ABCC9: variants seen among roughly 807,000 people sequenced by gnomAD.
The protein encoded by ABCC9 is ATP-binding cassette sub-family C member 9.
A neutral mutation model predicts 188.3 loss-of-function variants in ABCC9; 95 were observed. The observed-to-expected ratio is 0.50, with a 90% CI of 0.43 to 0.60. The LOEUF (loss-of-function observed/expected upper bound fraction) is 0.60. ABCC9 is among the 20% of genes least tolerant of loss of function. The pLI is 0.00. For missense variants in ABCC9, 1,102 were observed against 1,876.3 expected, an observed-to-expected ratio of 0.59 and a Z score of 7.62; for synonymous variants, 659 against 652.7, an observed-to-expected ratio of 1.01 and a Z score of -0.15.
In ABCC9 at chr12:21,875,741, T is replaced by C; in HGVS notation, c.2020-15A>G. ...CCATTTGTGACCTACAAAATAAAAATACAGAAATTAAATTATATGTGTGGT... is the reference window on the plus strand; with the variant it reads ...CCATTTGTGACCTACAAAATAAAAACACAGAAATTAAATTATATGTGTGGT... On this transcript the variant is annotated splice_polypyrimidine_tract_variant and intron_variant, in intron 16 of 39. Transcript: ENST00000261200. 2 of 1,583,386 alleles carry C rather than the reference T, an allele frequency of 1.3e-6. No homozygotes were observed. Among genetic ancestry groups the C allele is most frequent in the Admixed American group, 1.7e-5 (1 of 59,908 alleles).
At chr12:21,936,825 G>A in intron 2 of ABCC9, 131 bp from the exon 3 acceptor site, 1 of 660,296 alleles carries the variant, frequency 1.5e-6, no homozygotes, top group Non-Finnish European at 2.5e-6. Context: ...GAGGAAATAA[G>A]AAACTCTGTG....
intron 8 of ABCC9, among the ~76,000 whole-genome samples, chr12:21,911,515 C>A (rs1358456537): frequency 6.6e-6 from 1 of 151,878 alleles, no homozygotes; most frequent in African/African-American, 2.4e-5. Flanking sequence ...ACATAACTTA[C>A]AAAATTTTGT....
intron 24 of ABCC9, among the ~76,000 whole-genome samples, chr12:21,848,466 C>T (rs983317525): frequency 6.6e-6 from 1 of 152,078 alleles, no homozygotes; most frequent in Non-Finnish European, 1.5e-5. Flanking sequence ...GAGCAGCACA[C>T]GAGACCAGGA....
chr12:21,800,857 A>G lies in ABCC9; in HGVS notation c.*187T>C, dbSNP rs1316060408. ...TGGCTGGATCACTATAAAAACATCA[A>G]TAATGAACATATTAAGCAATAATAT... On this transcript the variant is annotated 3_prime_UTR_variant, in exon 40 of 40. Transcript: ENST00000261200. 4.6e-6 allele frequency: 3 copies of G among 653,030 alleles called. No individual in the cohort carries two copies. Among genetic ancestry groups the G allele is most frequent in the Non-Finnish European group, 7.7e-6 (3 of 387,306 alleles). 40.5% of individuals were successfully genotyped at this position (653,030 alleles called of 1,614,324 possible).
chr12:21,837,574 A>G (rs1944165596), intron 30 of ABCC9, among the ~76,000 whole-genome samples: 1 of 152,158 alleles, frequency 6.6e-6, no homozygotes, highest in Non-Finnish European at 1.5e-5. Flanking sequence ...TTAGGTTATT[A>G]CTCTGTTTAC....
In ABCC9 at chr12:21,830,595, G is replaced by A. The variant is rs546043695; in HGVS notation, c.3567-1535C>T. Among the ~76,000 whole-genome samples the A allele has an allele frequency of 3.3e-5, 5 of 152,270 alleles. No individual in the cohort carries two copies. The East Asian group carries it at 9.6e-4, about 29-fold the overall frequency. On this transcript the variant is annotated intron_variant, in intron 30 of 39. Coordinates refer to ENST00000261200, the MANE Select transcript of ABCC9 (RefSeq NM_020297.4). Reference sequence around the variant, plus strand: ...GATATCCTGGGAGGGGTGTTCATTTGGCCCACTGAAGTAATCCATACAGGC... The same window carrying A: ...GATATCCTGGGAGGGGTGTTCATTTAGCCCACTGAAGTAATCCATACAGGC...
In ABCC9 at chr12:21,801,061, C is replaced by T. The variant is rs755422776; in HGVS notation, c.4633G>A (p.Val1545Ile). 2 of 1,613,916 alleles carry T rather than the reference C, an allele frequency of 1.2e-6. No homozygotes were observed. Among genetic ancestry groups the T allele is most frequent in the Non-Finnish European group, 1.7e-6 (2 of 1,179,900 alleles). The change falls in exon 40 of 40, where the codon GTT (valine) becomes ATT (isoleucine). Residue 1545 changes from valine to isoleucine, a missense_variant. Around this residue, in one of 12 missense-constraint regions of ABCC9, gnomAD observed 30 missense variants for 34.3 expected, o/e 0.87. Coordinates refer to ENST00000261200, the MANE Select transcript of ABCC9 (RefSeq NM_020297.4). ...ACACTCCTTCACATGTCTGCGCGAACAAAAGAAGCAAATACTCCATTTTCC... is the reference window on the plus strand; with the variant it reads ...ACACTCCTTCACATGTCTGCGCGAATAAAAGAAGCAAATACTCCATTTTCC... ...AQENGVFASF[V>I]RADM
intron 35 of ABCC9, among the ~76,000 whole-genome samples, chr12:21,812,517 C>G (rs1942316119): frequency 6.6e-6 from 1 of 152,084 alleles, no homozygotes; most frequent in South Asian, 2.1e-4. Context: ...TACTATGCAG[C>G]CATCGAAAAG....
At chr12:21,914,191 C>T (rs932789218) in intron 7 of ABCC9, among the ~76,000 whole-genome samples, 1 of 152,154 alleles carries the variant, frequency 6.6e-6, no homozygotes. Flanking sequence ...CAGCCAAAAA[C>T]TCATTAGCTG....
intron 18 of ABCC9, among the ~76,000 whole-genome samples, chr12:21,871,743 T>C (rs1457685246): frequency 6.6e-6 from 1 of 152,186 alleles, no homozygotes; most frequent in African/African-American, 2.4e-5. Flanking sequence ...GCAGCATCCC[T>C]GGCCTCTATC....
intron 10 of ABCC9, among the ~76,000 whole-genome samples, chr12:21,909,045 A>C (rs1187301137): frequency 6.6e-6 from 1 of 151,912 alleles, no homozygotes; most frequent in Non-Finnish European, 1.5e-5. Flanking sequence ...GTCTGGGGCC[A>C]ATGACACGTT....
At chr12:21,822,069 T>G (rs112229017) in intron 31 of ABCC9, among the ~76,000 whole-genome samples, 3 of 152,148 alleles carry the variant, frequency 2.0e-5, no homozygotes, top group Non-Finnish European at 4.4e-5. Flanking sequence ...CTTTTTGAGG[T>G]ACATTTTATA....
Position 21,838,085 on chromosome 12 carries a change from C to T in ABCC9, c.3559G>A (p.Ala1187Thr). The change falls in exon 30 of 40, where the codon GCC becomes ACC. Residue 1187 changes from alanine to threonine, a missense_variant. Coordinates refer to ENST00000261200, the MANE Select transcript of ABCC9 (RefSeq NM_020297.4). ...ETAEGLTTIR[A>T]FRHETRFKQR... ...AAAAATGTGTTTACTCACCTAAAGG[C>T]CCGAATGGTGGTGAGTCCTTCTGCT... The T allele has an allele frequency of 6.2e-7, 1 of 1,613,376 alleles. No homozygotes were observed. The highest frequency in any genetic ancestry group is 1.1e-5 in the South Asian group (1 of 91,068).
chr12:21,825,733 G>C (rs940715382), intron 31 of ABCC9, among the ~76,000 whole-genome samples: 2 of 151,992 alleles, frequency 1.3e-5, no homozygotes, highest in Admixed American at 1.3e-4. Flanking sequence ...CATGGCATGC[G>C]TATACCTATG....
chr12:21,807,494 G>A lies in ABCC9; in HGVS notation c.4316-15C>T, dbSNP rs1389642523. ...GACAACCGCATCTAAATCAGAGAAA[G>A]AAGCAAGGATTTCACTAAAGAAATG... On this transcript the variant is annotated splice_polypyrimidine_tract_variant and intron_variant, in intron 37 of 39. Coordinates refer to ENST00000261200, the MANE Select transcript of ABCC9 (RefSeq NM_020297.4). 6.2e-7 allele frequency: 1 copy of A among 1,613,642 alleles called. No homozygotes were observed. The highest frequency in any genetic ancestry group is 1.7e-5 in the Admixed American group (1 of 59,962).
intron 25 of ABCC9, among the ~76,000 whole-genome samples, chr12:21,847,708 A>G (rs1385280468): frequency 1.3e-5 from 2 of 152,146 alleles, no homozygotes; most frequent in Non-Finnish European, 2.9e-5. Flanking sequence ...CTTATCCTTC[A>G]TGGCTATATT....
At chr12:21,801,481 C>T (rs1441741295) in intron 39 of ABCC9, among the ~76,000 whole-genome samples, 2 of 152,006 alleles carry the variant, frequency 1.3e-5, no homozygotes, top group Admixed American at 6.6e-5. Flanking sequence ...AATTGTTTAT[C>T]GAGTAATTAA....
chr12:21,893,954 AT>A, intron 14 of ABCC9, 77 bp downstream of exon 14: 3 of 1,450,456 alleles, frequency 2.1e-6, no homozygotes, highest in South Asian at 1.2e-5. Context: ...TCTTTTTTAT[AT>A]TTTTTCAAAT....
At chr12:21,911,065 A>G in intron 8 of ABCC9, 87 bp from the exon 9 acceptor site, 1 of 1,248,760 alleles carries the variant, frequency 8.0e-7, no homozygotes, top group Non-Finnish European at 1.1e-6. Context: ...AAGATACATA[A>G]TATTTAAATA....
Sources: gnomAD v4.1 joint callset for allele counts (sites outside exome capture counted in the v4.1 genomes callset) on GRCh38, gnomAD v4.1.1 for gene constraint, gnomAD v4.1.1 regional missense constraint, MANE v1.5 for transcripts, NCBI Gene and HGNC (gene_info 2026-07-23, HGNC 2026-07-21) for gene names.